RNF130: variants seen among roughly 807,000 people sequenced by gnomAD.
RNF130 encodes ring finger protein 130, also known as E3 ubiquitin-protein ligase RNF130.
A neutral mutation model predicts 44.6 loss-of-function variants in RNF130; 21 were observed. That is an observed-to-expected ratio of 0.47 (90% CI 0.33 to 0.68). The LOEUF is 0.68. Ranked by LOEUF, RNF130 falls within the 30% of genes least tolerant of loss-of-function variation. The probability of loss-of-function intolerance (pLI) is 0.02; values close to 1 mark genes in which losing one functional copy is unlikely to be tolerated. For missense variants in RNF130, 479 were observed against 560.6 expected (o/e 0.85, Z 1.47); for synonymous variants, 214 against 210.4 (o/e 1.02, Z -0.15).
rs1361328451 is a variant in RNF130, at chr5:179,929,536, C to T, written c.1151-9110G>A. ...GCCAAGGTGGGAGGACTGCTTGAGC[C>T]CAGGAGTTTGAGACCAGCCTGGGCA... On this transcript the variant is annotated intron_variant, in intron 7 of 7. Coordinates refer to the RNF130 transcript ENST00000522208. Among the ~76,000 whole-genome samples the T allele has an allele frequency of 2.0e-5, 3 of 152,150 alleles. No individual in the cohort carries two copies. In the East Asian group the frequency reaches 5.8e-4, roughly 29 times the overall value.
intron 2 of RNF130, among the ~76,000 whole-genome samples, chr5:180,034,532 C>T (rs1352433037): frequency 2.6e-5 from 4 of 152,158 alleles, no homozygotes; most frequent in African/African-American, 9.7e-5. Flanking sequence ...ATTATAGCTA[C>T]TCAGATATGC....
rs1762182805 is a variant in RNF130, at chr5:179,955,073, CCA to C, written c.*579_*580del. ...TCATTTTGACACTCATTCCTTCATTCCACAAATATTTATTGAGCACTTACGAT... is the reference window on the plus strand; with the variant it reads ...TCATTTTGACACTCATTCCTTCATTCCAAATATTTATTGAGCACTTACGAT... On this transcript the variant is annotated 3_prime_UTR_variant, in exon 9 of 9. Transcript: ENST00000521389. 6.6e-6 allele frequency: 1 copy of C among 152,322 alleles called. No individual in the cohort carries two copies. Among genetic ancestry groups the C allele is most frequent in the South Asian group, 2.1e-4 (1 of 4,828 alleles). 9.4% of individuals were successfully genotyped at this position (152,322 alleles called of 1,614,324 possible). A position where few individuals can be genotyped will look rare whatever the true frequency, so the allele number is the denominator to read the frequency against.
intron 2 of RNF130, among the ~76,000 whole-genome samples, chr5:180,030,391 T>C (rs978796029): frequency 2.0e-5 from 3 of 152,172 alleles, no homozygotes; most frequent in African/African-American, 7.2e-5. Flanking sequence ...ATAATTTACA[T>C]CCTACAAGAC....
At chr5:179,951,927 T>C (rs1177381162), downstream of RNF130, among the ~76,000 whole-genome samples, 5 of 152,162 alleles carry the variant, frequency 3.3e-5, no homozygotes, top group African/African-American at 9.7e-5. Context: ...GGGAAATTTA[T>C]AGCTATAAAC....
At chr5:179,974,084 C>T (rs1039020971) in intron 5 of RNF130, among the ~76,000 whole-genome samples, 2 of 152,136 alleles carry the variant, frequency 1.3e-5, no homozygotes, top group African/African-American at 2.4e-5. Flanking sequence ...TCTGCAGCCT[C>T]TTGGTGCCAT....
intron 2 of RNF130, among the ~76,000 whole-genome samples, chr5:180,035,613 T>C (rs564637138): frequency 6.6e-6 from 1 of 152,358 alleles, no homozygotes; most frequent in South Asian, 2.1e-4. Flanking sequence ...AATCTCCAAC[T>C]ATAATGATTG....
At chr5:179,931,680 C>T (rs970981766) in intron 7 of RNF130, among the ~76,000 whole-genome samples, 3 of 151,038 alleles carry the variant, frequency 2.0e-5, no homozygotes, top group African/African-American at 7.3e-5. Flanking sequence ...GAGGCTGAGG[C>T]AGGAGAATTG....
intron 2 of RNF130, among the ~76,000 whole-genome samples, chr5:180,038,589 C>G (rs1371411923): frequency 6.6e-6 from 1 of 152,028 alleles, no homozygotes; most frequent in Non-Finnish European, 1.5e-5. Flanking sequence ...TTTTCTGAAA[C>G]TTACTGTTTC....
At chr5:179,930,177 C>A (rs1761786128) in intron 7 of RNF130, among the ~76,000 whole-genome samples, 1 of 152,290 alleles carries the variant, frequency 6.6e-6, no homozygotes, top group Non-Finnish European at 1.5e-5. Context: ...CCTGCCTCAG[C>A]CTCCCGAGTA....
At chr5:180,018,104 A>G (rs1763780354) in intron 2 of RNF130, among the ~76,000 whole-genome samples, 1 of 152,050 alleles carries the variant, frequency 6.6e-6, no homozygotes, top group African/African-American at 2.4e-5. Flanking sequence ...AGACCAGCCT[A>G]GCCAATATGG....
chr5:179,973,447 G>A (rs1400412391), intron 5 of RNF130, among the ~76,000 whole-genome samples: 1 of 152,204 alleles, frequency 6.6e-6, no homozygotes, highest in Non-Finnish European at 1.5e-5. Context: ...ACAGTCTGGT[G>A]CTCGGCAAAC....
chr5:180,063,308 G>T (rs529718024), intron 1 of RNF130, among the ~76,000 whole-genome samples: 2 of 152,218 alleles, frequency 1.3e-5, no homozygotes, highest in African/African-American at 4.8e-5. Flanking sequence ...CAACAGATAC[G>T]TACGATCCAT....
chr5:179,930,424 C>T (rs248228), intron 7 of RNF130, among the ~76,000 whole-genome samples: 138,885 of 152,272 alleles, frequency 0.91, 63,533 homozygotes, highest in East Asian at 1. Flanking sequence ...AATTTACTTA[C>T]TCATTTTAAG....
intron 7 of RNF130, among the ~76,000 whole-genome samples, chr5:179,922,041 A>G (rs536542335): frequency 6.1e-4 from 93 of 151,560 alleles, no homozygotes; most frequent in Non-Finnish European, 1.2e-3. Context: ...AAAAAGGAAA[A>G]AGAAAAAAAA....
chr5:179,934,826 C>T (rs960012722), intron 7 of RNF130, among the ~76,000 whole-genome samples: 26 of 152,174 alleles, frequency 1.7e-4, no homozygotes, highest in African/African-American at 6.3e-4. Context: ...TCCAGGATTA[C>T]AGGCATGAGC....
At chr5:180,023,100 G>A (rs1271951643) in intron 2 of RNF130, among the ~76,000 whole-genome samples, 7 of 152,216 alleles carry the variant, frequency 4.6e-5, no homozygotes, top group Admixed American at 3.3e-4. Context: ...TTTCATTTAG[G>A]AGTGGGAGTT....
At chr5:179,946,654 C>T (rs904618685) in intron 7 of RNF130, among the ~76,000 whole-genome samples, 2 of 151,268 alleles carry the variant, frequency 1.3e-5, no homozygotes, top group Non-Finnish European at 1.5e-5. Context: ...CCCGGGTTCA[C>T]GCCATTCTCC....
intron 1 of RNF130, among the ~76,000 whole-genome samples, chr5:180,065,229 C>A (rs904545188): frequency 3.3e-5 from 5 of 152,064 alleles, no homozygotes; most frequent in Non-Finnish European, 2.9e-5. Flanking sequence ...GGAAAATTTT[C>A]CCCTTTCATA....
chr5:180,060,628 G>C (rs1158745049), intron 1 of RNF130, among the ~76,000 whole-genome samples: 2 of 152,092 alleles, frequency 1.3e-5, no homozygotes, highest in African/African-American at 4.8e-5. Flanking sequence ...TCTTAACTTG[G>C]GGCTTCAAGA....
Sources: allele counts gnomAD v4.1 joint callset (sites outside exome capture counted in the v4.1 genomes callset), GRCh38; gene constraint gnomAD v4.1.1; transcripts MANE v1.5; gene names NCBI Gene and HGNC (gene_info 2026-07-23, HGNC 2026-07-21).